Variants in CAMKMT observed in about 807,000 individuals in gnomAD.
The protein encoded by CAMKMT is calmodulin-lysine N-methyltransferase.
In CAMKMT, 53 loss-of-function variants were observed where a neutral mutation model predicts 48.0. The ratio of observed to expected loss-of-function variants is 1.10; its 90% CI spans 0.89 to 1.39. The LOEUF is 1.39. Among genes scored for constraint, CAMKMT ranks in the 40% most tolerant of loss-of-function variants. CAMKMT has a pLI of 0.00. For synonymous variants in CAMKMT, 165 were observed against 152.3 expected, an observed-to-expected ratio of 1.08 and a Z score of -0.61; for missense variants, 428 against 402.7, an observed-to-expected ratio of 1.06 and a Z score of -0.54.
intron 3 of CAMKMT, among the ~76,000 whole-genome samples, chr2:44,498,355 C>G (rs1025304793): frequency 6.6e-6 from 1 of 152,146 alleles, no homozygotes; most frequent in African/African-American, 2.4e-5. Context: ...TAGGCTCTTA[C>G]ACTGAGAAAT....
At chr2:44,430,004 A>T (rs1214117188) in intron 3 of CAMKMT, among the ~76,000 whole-genome samples, 2 of 152,048 alleles carry the variant, frequency 1.3e-5, no homozygotes, top group Non-Finnish European at 2.9e-5. Flanking sequence ...GACTCTTTAT[A>T]GAGAAGCTCT....
intron 3 of CAMKMT, among the ~76,000 whole-genome samples, chr2:44,640,451 T>C (rs1673388274): frequency 6.6e-6 from 1 of 152,214 alleles, no homozygotes; most frequent in Non-Finnish European, 1.5e-5. Flanking sequence ...TTTAACCGCA[T>C]GGGCTTTGGA....
chr2:44,439,627 A>G (rs1666512174), intron 3 of CAMKMT, among the ~76,000 whole-genome samples: 1 of 151,976 alleles, frequency 6.6e-6, no homozygotes, highest in East Asian at 1.9e-4. Context: ...TCACGAGGTC[A>G]GGAGATCGAG....
chr2:44,383,863 T>C (rs768008996), intron 2 of CAMKMT, among the ~76,000 whole-genome samples: 1 of 152,208 alleles, frequency 6.6e-6, no homozygotes, highest in African/African-American at 2.4e-5. Context: ...AGTTTCTTTA[T>C]CCACTCGTTG....
chr2:44,533,928 G>T (rs532659847), intron 3 of CAMKMT, among the ~76,000 whole-genome samples: 2 of 152,232 alleles, frequency 1.3e-5, no homozygotes, highest in East Asian at 3.9e-4. Flanking sequence ...TTAAAACATA[G>T]AGGCTGGCTG....
At chr2:44,439,473 A>G (rs904848208) in intron 3 of CAMKMT, among the ~76,000 whole-genome samples, 2 of 152,052 alleles carry the variant, frequency 1.3e-5, no homozygotes, top group Non-Finnish European at 2.9e-5. Flanking sequence ...TCCTTTTTAT[A>G]GAAAAACTTT....
At position 44,651,410 on chromosome 2, in the gene CAMKMT, G is replaced by A. The variant is rs113966371; in HGVS notation, c.377-52873G>A. 3.1e-3 allele frequency among the ~76,000 whole-genome samples: 478 copies of A among 152,242 alleles called. 5 individuals are homozygous for A. Among genetic ancestry groups the A allele is most frequent in the African/African-American group, 0.011 (449 of 41,558 alleles). Reference sequence around the variant, plus strand: ...AAAGTTGCATGTTTTTTAGCCAGACGCCGTGGCATATGCCTGTAATCCCAG... The same window carrying A: ...AAAGTTGCATGTTTTTTAGCCAGACACCGTGGCATATGCCTGTAATCCCAG... On this transcript the variant is annotated intron_variant, in intron 3 of 10. Transcript: ENST00000378494.
chr2:44,626,279 C>G (rs1330622091), intron 3 of CAMKMT, among the ~76,000 whole-genome samples: 1 of 152,008 alleles, frequency 6.6e-6, no homozygotes, highest in African/African-American at 2.4e-5. Context: ...ATTTTGTTTT[C>G]TTTTTAAATG....
chr2:44,629,531 A>T (rs1163509549), intron 3 of CAMKMT, among the ~76,000 whole-genome samples: 1 of 150,060 alleles, frequency 6.7e-6, no homozygotes, highest in Admixed American at 6.7e-5. Flanking sequence ...CACCTCCACA[A>T]TGGCTCAAGC....
At chr2:44,627,802 C>T (rs1461323658) in intron 3 of CAMKMT, among the ~76,000 whole-genome samples, 3 of 137,378 alleles carry the variant, frequency 2.2e-5, no homozygotes, top group Admixed American at 1.7e-4. Context: ...CGGATTCAAG[C>T]GATTCTCATT....
At chr2:44,387,776 T>C (rs1371780488) in intron 2 of CAMKMT, among the ~76,000 whole-genome samples, 2 of 152,196 alleles carry the variant, frequency 1.3e-5, no homozygotes, top group South Asian at 2.1e-4. Context: ...ATTTCCTTCA[T>C]ATATGATGCC....
chr2:44,461,338 T>C (rs933979972), intron 3 of CAMKMT, among the ~76,000 whole-genome samples: 1 of 152,040 alleles, frequency 6.6e-6, no homozygotes, highest in African/African-American at 2.4e-5. Flanking sequence ...AAATATCTCA[T>C]TAAAAAAAAC....
intron 3 of CAMKMT, among the ~76,000 whole-genome samples, chr2:44,431,825 T>A (rs574550761): frequency 6.6e-6 from 1 of 152,130 alleles, no homozygotes; most frequent in Non-Finnish European, 1.5e-5. Context: ...TAGAAAACAC[T>A]CCCATTGGGA....
At chr2:44,412,784 A>G (rs1683297888) in intron 3 of CAMKMT, among the ~76,000 whole-genome samples, 1 of 152,114 alleles carries the variant, frequency 6.6e-6, no homozygotes, top group Admixed American at 6.5e-5. Context: ...ATGTAGTTTA[A>G]AAATAAAGAG....
chr2:44,735,349 C>G (rs1299855381), intron 7 of CAMKMT, among the ~76,000 whole-genome samples: 2 of 152,196 alleles, frequency 1.3e-5, no homozygotes, highest in South Asian at 2.1e-4. Context: ...TTGTTTAGTA[C>G]AGTTACTGAT....
At chr2:44,655,153 T>C (rs1299749259) in intron 3 of CAMKMT, among the ~76,000 whole-genome samples, 3 of 152,218 alleles carry the variant, frequency 2.0e-5, no homozygotes, top group Non-Finnish European at 2.9e-5. Context: ...ATCACTTTCA[T>C]GTAGACTTTG....
Position 44,691,434 on chromosome 2 carries a change from G to A in CAMKMT, c.377-12849G>A, listed in dbSNP as rs552134869. 8.5e-5 allele frequency among the ~76,000 whole-genome samples: 13 copies of A among 152,214 alleles called. No individual in the cohort carries two copies. In the East Asian group the frequency reaches 1.5e-3, roughly 18 times the overall value. On this transcript the variant is annotated intron_variant, in intron 3 of 10. Coordinates refer to ENST00000378494, the MANE Select transcript of CAMKMT (RefSeq NM_024766.5). ...TCCATCTTTTCTTTACCTCCTAATC[G>A]TCACGTTAATAGTCTGAGTTAAAAT...
intron 3 of CAMKMT, among the ~76,000 whole-genome samples, chr2:44,587,861 C>T (rs1292806979): frequency 7.8e-6 from 1 of 127,566 alleles, no homozygotes; most frequent in Non-Finnish European, 1.7e-5. Context: ...GCCTTGGCCC[C>T]CCAAAGTGCC....
chr2:44,487,762 T>A (rs1447520156), intron 3 of CAMKMT, among the ~76,000 whole-genome samples: 1 of 152,226 alleles, frequency 6.6e-6, no homozygotes, highest in East Asian at 1.9e-4. Flanking sequence ...AGAAGACCCA[T>A]AAGGCCCCTA....
Sources: gnomAD v4.1 joint callset for allele counts (sites outside exome capture counted in the v4.1 genomes callset) on GRCh38, gnomAD v4.1.1 for gene constraint, MANE v1.5 for transcripts, NCBI Gene and HGNC (gene_info 2026-07-23, HGNC 2026-07-21) for gene names.